Variants in RSPO2 observed in about 807,000 individuals in gnomAD.
RSPO2 encodes the protein R-spondin-2.
A neutral mutation model predicts 30.9 loss-of-function variants in RSPO2; 14 were observed. The ratio of observed to expected loss-of-function variants is 0.45; its 90% CI spans 0.30 to 0.71. The LOEUF is 0.71. RSPO2 is among the 30% of genes least tolerant of loss of function. The probability of loss-of-function intolerance (pLI) is 0.08; values close to 1 mark genes in which losing one functional copy is unlikely to be tolerated. For missense variants in RSPO2, 264 were observed against 301.9 expected (o/e 0.87, Z 0.93); for synonymous variants, 107 against 96.4 (o/e 1.11, Z -0.64).
chr8:107,973,373 G>T (rs1465115910), intron 3 of RSPO2, among the ~76,000 whole-genome samples: 1 of 138,520 alleles, frequency 7.2e-6, no homozygotes, highest in African/African-American at 3.1e-5. Flanking sequence ...GTATTACATG[G>T]TTTAAGGTAC....
At chr8:107,915,612 G>A (rs981287517) in intron 5 of RSPO2, among the ~76,000 whole-genome samples, 1 of 152,018 alleles carries the variant, frequency 6.6e-6, no homozygotes, top group Non-Finnish European at 1.5e-5. Context: ...GTGTGTGTGT[G>A]TATATGTGGA....
At chr8:108,052,913 A>C (rs887484338) in intron 2 of RSPO2, among the ~76,000 whole-genome samples, 1 of 151,952 alleles carries the variant, frequency 6.6e-6, no homozygotes, top group African/African-American at 2.4e-5. Context: ...CTTTTATTTT[A>C]AATAGGCAGG....
rs1234190385 is a variant in RSPO2, at chr8:107,989,039, C to A, written c.283+17G>T. On this transcript the variant is annotated intron_variant, in intron 3 of 5. Transcript: ENST00000276659. ...TGCATATCCAGCAATACAGGATAGACAAAACCAAATGCTCACTTGCACATC... is the reference window on the plus strand; with the variant it reads ...TGCATATCCAGCAATACAGGATAGAAAAAACCAAATGCTCACTTGCACATC... 6.3e-7 allele frequency: 1 copy of A among 1,585,016 alleles called. No individual in the cohort carries two copies. The highest frequency in any genetic ancestry group is 8.5e-7 in the Non-Finnish European group (1 of 1,171,580).
chr8:107,985,683 T>C (rs1344787691), intron 3 of RSPO2, among the ~76,000 whole-genome samples: 1 of 152,206 alleles, frequency 6.6e-6, no homozygotes. Flanking sequence ...ACAAGGACTA[T>C]TTAGAACAAT....
chr8:107,988,077 A>G (rs932466188), intron 3 of RSPO2, among the ~76,000 whole-genome samples: 1 of 151,958 alleles, frequency 6.6e-6, no homozygotes, highest in Non-Finnish European at 1.5e-5. Context: ...TTTGGTATCT[A>G]TTTTTTTAAA....
chr8:108,065,751 C>G (rs1812646289), intron 2 of RSPO2, among the ~76,000 whole-genome samples: 1 of 151,792 alleles, frequency 6.6e-6, no homozygotes, highest in Admixed American at 6.6e-5. Context: ...AAAGACTGCA[C>G]AGCAGGCTGG....
intron 2 of RSPO2, among the ~76,000 whole-genome samples, chr8:108,067,993 T>C (rs1328258678): frequency 2.6e-5 from 4 of 151,842 alleles, no homozygotes; most frequent in Non-Finnish European, 5.9e-5. Flanking sequence ...CACTTGAACC[T>C]GGGAGGCAGA....
intron 5 of RSPO2, among the ~76,000 whole-genome samples, chr8:107,952,373 A>G (rs1409434050): frequency 6.6e-6 from 1 of 152,144 alleles, no homozygotes; most frequent in Non-Finnish European, 1.5e-5. Context: ...TAACTTGCTT[A>G]ATTTAAAATG....
At chr8:107,957,347 TACTGCTTTAGGG>T (rs1264042451) in intron 5 of RSPO2, among the ~76,000 whole-genome samples, 3 of 152,214 alleles carry the variant, frequency 2.0e-5, no homozygotes, top group Non-Finnish European at 4.4e-5. Flanking sequence ...ACCCAGTGAT[TACTGCTTTAGGG>T]ACAGCACAGT....
At chr8:108,049,360 TTTTC>T (rs1223881980) in intron 2 of RSPO2, among the ~76,000 whole-genome samples, 3 of 152,116 alleles carry the variant, frequency 2.0e-5, no homozygotes, top group Admixed American at 6.6e-5. Flanking sequence ...TGGGACTTTT[TTTTC>T]TTTTTTTAAA....
At chr8:108,077,214 G>A (rs1813042301) in intron 2 of RSPO2, among the ~76,000 whole-genome samples, 1 of 152,090 alleles carries the variant, frequency 6.6e-6, no homozygotes, top group Non-Finnish European at 1.5e-5. Context: ...AAGGGTGAAG[G>A]TAGAAGCCAA....
Position 108,064,601 on chromosome 8 carries a change from G to A in RSPO2, c.94+17944C>T, listed in dbSNP as rs189723020. Among the ~76,000 whole-genome samples, 1,295 of 152,286 alleles carry A rather than the reference G, an allele frequency of 8.5e-3. 36 individuals are homozygous for A. Among genetic ancestry groups the A allele is most frequent in the African/African-American group, 0.03 (1,231 of 41,546 alleles). ...GACTGTAAACTAGTTCAACCATTGT[G>A]GAAGTCAGTGTGGTGATTCCTCAAG... On this transcript the variant is annotated intron_variant, in intron 2 of 5. Transcript: ENST00000276659.
intron 5 of RSPO2, among the ~76,000 whole-genome samples, chr8:107,945,500 G>A (rs1000188120): frequency 6.6e-6 from 1 of 151,696 alleles, no homozygotes; most frequent in Admixed American, 6.6e-5. Context: ...TGCCTGCCTC[G>A]GCCTCCCAAA....
intron 5 of RSPO2, among the ~76,000 whole-genome samples, chr8:107,921,327 G>A (rs1005474770): frequency 1.9e-4 from 28 of 150,476 alleles, no homozygotes; most frequent in African/African-American, 6.6e-4. Flanking sequence ...TAGAAAAAAA[G>A]AAGAGAAGAA....
chr8:107,910,132 G>GGAGAA (rs561970681), intron 5 of RSPO2, among the ~76,000 whole-genome samples: 2 of 152,128 alleles, frequency 1.3e-5, no homozygotes, highest in African/African-American at 4.8e-5. Context: ...CTCCATAGCT[G>GGAGAA]ACTTCATACT....
At chr8:108,016,041 G>A (rs1810879800) in intron 2 of RSPO2, among the ~76,000 whole-genome samples, 1 of 152,174 alleles carries the variant, frequency 6.6e-6, no homozygotes, top group South Asian at 2.1e-4. Context: ...GAGGAAATTA[G>A]GAGTCAGATG....
chr8:108,021,322 C>G (rs999611402), intron 2 of RSPO2, among the ~76,000 whole-genome samples: 3 of 152,124 alleles, frequency 2.0e-5, no homozygotes, highest in Non-Finnish European at 2.9e-5. Context: ...TTCTCAAAAC[C>G]TTTCCCCTTT....
intron 3 of RSPO2, among the ~76,000 whole-genome samples, chr8:107,969,673 T>C (rs1463555632): frequency 6.6e-6 from 1 of 152,138 alleles, no homozygotes; most frequent in Middle Eastern, 3.2e-3. Context: ...AGAATTTTTT[T>C]CCCATGGTGA....
At chr8:108,032,256 A>G in intron 2 of RSPO2, among the ~76,000 whole-genome samples, 1 of 152,262 alleles carries the variant, frequency 6.6e-6, no homozygotes, top group Non-Finnish European at 1.5e-5. Context: ...CCAAATTTAC[A>G]AATCACTATA....
Sources: allele counts gnomAD v4.1 joint callset (sites outside exome capture counted in the v4.1 genomes callset), GRCh38; gene constraint gnomAD v4.1.1; transcripts MANE v1.5; gene names NCBI Gene and HGNC (gene_info 2026-07-23, HGNC 2026-07-21).